LDAH: variants seen among roughly 807,000 people sequenced by gnomAD.
The protein encoded by LDAH is lipid droplet-associated hydrolase.
A neutral mutation model predicts 29.6 loss-of-function variants in LDAH; 26 were observed. That is an observed-to-expected ratio of 0.88 (90% CI 0.64 to 1.22). The LOEUF (loss-of-function observed/expected upper bound fraction) is 1.22. LDAH is among the 50% of genes most tolerant of loss of function. LDAH has a pLI of 0.00. For missense variants in LDAH, 344 were observed against 387.3 expected (o/e 0.89, Z 0.94); for synonymous variants, 117 against 133.0 (o/e 0.88, Z 0.83).
chr2:20,778,678 T>C (rs1669977127), intron 3 of LDAH, among the ~76,000 whole-genome samples: 1 of 152,114 alleles, frequency 6.6e-6, no homozygotes, highest in Admixed American at 6.5e-5. Context: ...AACACAATCA[T>C]TAAATGCCAA....
At chr2:20,784,882 G>A (rs1670439053) in intron 3 of LDAH, among the ~76,000 whole-genome samples, 2 of 151,620 alleles carry the variant, frequency 1.3e-5, no homozygotes. Flanking sequence ...GTGAGACCCT[G>A]TCTCAAAAAA....
chr2:20,820,438 C>T (rs1673182392), intron 1 of LDAH, among the ~76,000 whole-genome samples: 1 of 152,152 alleles, frequency 6.6e-6, no homozygotes. Flanking sequence ...TGGAACAGAA[C>T]AGAGCCCTCA....
At chr2:20,784,977 T>C (rs980116060) in intron 3 of LDAH, among the ~76,000 whole-genome samples, 3 of 152,202 alleles carry the variant, frequency 2.0e-5, no homozygotes, top group African/African-American at 7.2e-5. Context: ...CAACTGAGTA[T>C]TCCCAATTCC....
At chr2:20,683,983 C>G (rs1049779493), downstream of LDAH, 1 of 152,084 alleles carries the variant, frequency 6.6e-6, no homozygotes, top group South Asian at 2.1e-4. Context: ...GAGGAAATAG[C>G]CTTTTTGGAA....
chr2:20,719,223 AG>A (rs1317294122), intron 5 of LDAH, among the ~76,000 whole-genome samples: 3 of 110,668 alleles, frequency 2.7e-5, no homozygotes, highest in African/African-American at 1.0e-4. Context: ...AAAATGAAAA[AG>A]TTTTTTTTTT....
In LDAH at chr2:20,687,131, C is replaced by T. The variant is rs199624805; in HGVS notation, c.787-37G>A. On this transcript the variant is annotated intron_variant, in intron 6 of 6. Coordinates refer to ENST00000237822, the MANE Select transcript of LDAH (RefSeq NM_021925.4). Reference sequence around the variant, plus strand: ...GACAAAAACCTTTTATTAGAAAACACGTTCCCTTCCTGACACAGATATGAC... The same window carrying T: ...GACAAAAACCTTTTATTAGAAAACATGTTCCCTTCCTGACACAGATATGAC... 1.1e-4 allele frequency: 166 copies of T among 1,554,030 alleles called. 1 individual carries two copies. In the African/African-American group the frequency reaches 1.7e-3, roughly 16 times the overall value.
chr2:20,761,720 A>G (rs1263449036), intron 4 of LDAH, among the ~76,000 whole-genome samples: 3 of 152,114 alleles, frequency 2.0e-5, no homozygotes, highest in Non-Finnish European at 4.4e-5. Context: ...GGTACACTGG[A>G]AGCCCAATCC....
At chr2:20,808,366 G>GAAT (rs1410973177) in intron 1 of LDAH, among the ~76,000 whole-genome samples, 1 of 151,990 alleles carries the variant, frequency 6.6e-6, no homozygotes, top group Non-Finnish European at 1.5e-5. Flanking sequence ...AAAAAGTCAA[G>GAAT]AATAACAAGA....
Position 20,686,888 on chromosome 2 carries a change from G to A in LDAH, c.*15C>T. 1 of 1,607,194 alleles carries A rather than the reference G, an allele frequency of 6.2e-7. No homozygotes were observed. The highest frequency in any genetic ancestry group is 8.5e-7 in the Non-Finnish European group (1 of 1,175,754). On this transcript the variant is annotated 3_prime_UTR_variant, in exon 7 of 7. Transcript: ENST00000237822. Reference sequence around the variant, plus strand: ...CTCCATGTACTGGCAGTGGGGGCTTGTTCCTCAGGCCAATTTACATTTTGG... The same window carrying A: ...CTCCATGTACTGGCAGTGGGGGCTTATTCCTCAGGCCAATTTACATTTTGG...
At chr2:20,735,140 C>T (rs1236859752) in intron 5 of LDAH, among the ~76,000 whole-genome samples, 1 of 152,114 alleles carries the variant, frequency 6.6e-6, no homozygotes, top group African/African-American at 2.4e-5. Flanking sequence ...ATTCACTCAG[C>T]TTCTTGAATC....
intron 3 of LDAH, among the ~76,000 whole-genome samples, chr2:20,781,614 G>A (rs1326665044): frequency 6.6e-6 from 1 of 152,216 alleles, no homozygotes; most frequent in Non-Finnish European, 1.5e-5. Context: ...TGAATGGGGG[G>A]CTGGTCCAAG....
intron 6 of LDAH, among the ~76,000 whole-genome samples, chr2:20,693,073 C>T (rs552138855): frequency 1.7e-4 from 26 of 152,152 alleles, no homozygotes; most frequent in Non-Finnish European, 3.5e-4. Context: ...GTGCTGTGAG[C>T]CTGGACCAGT....
chr2:20,774,833 G>C lies in LDAH; in HGVS notation c.445C>G (p.Leu149Val). 6.2e-7 allele frequency: 1 copy of C among 1,613,186 alleles called. No individual in the cohort carries two copies. Among genetic ancestry groups the C allele is most frequent in the South Asian group, 1.1e-5 (1 of 91,034 alleles). The stretch of plus-strand genomic sequence containing the variant: ...ACCGGGAGCTCAGGGACTCGCTTCA[G>C]CATCTGAAGTGTGAAATAGCTGCCT... ...SIGSYFTLQMLKRVPELPVIR... is the reference protein window; with the variant it reads ...SIGSYFTLQMVKRVPELPVIR... The change falls in exon 4 of 7, where the codon CTG (leucine) becomes GTG (valine). Residue 149 changes from leucine (L) to valine (V), a missense_variant. Coordinates refer to ENST00000237822, the MANE Select transcript of LDAH (RefSeq NM_021925.4).
chr2:20,684,975 T>C lies in LDAH; in HGVS notation c.*1928A>G. ...GCTTTTCACTTTAAAAGAGAGACTT[T>C]GAGCCGAGTCTAACTCAGGAGAACT... On this transcript the variant is annotated 3_prime_UTR_variant, in exon 7 of 7. Transcript: ENST00000237822. 1 of 1,547,404 alleles carries C rather than the reference T, an allele frequency of 6.5e-7. No individual in the cohort carries two copies. Among genetic ancestry groups the C allele is most frequent in the Admixed American group, 2.0e-5 (1 of 50,622 alleles).
intron 2 of LDAH, among the ~76,000 whole-genome samples, chr2:20,791,806 T>C (rs1364407051): frequency 6.6e-6 from 1 of 152,162 alleles, no homozygotes; most frequent in African/African-American, 2.4e-5. Context: ...CCAACTTTTT[T>C]CCAAGTGACT....
At chr2:20,818,025 T>C (rs1240727459) in intron 1 of LDAH, among the ~76,000 whole-genome samples, 2 of 152,172 alleles carry the variant, frequency 1.3e-5, no homozygotes, top group African/African-American at 4.8e-5. Flanking sequence ...GATGGAATAA[T>C]TCTTTATCTT....
intron 4 of LDAH, among the ~76,000 whole-genome samples, chr2:20,751,956 A>G (rs1032141023): frequency 6.6e-6 from 1 of 152,170 alleles, no homozygotes; most frequent in Non-Finnish European, 1.5e-5. Flanking sequence ...AGTGGCAATG[A>G]TAACAGCTCA....
intron 6 of LDAH, among the ~76,000 whole-genome samples, chr2:20,694,536 A>G (rs932481484): frequency 6.6e-6 from 1 of 152,152 alleles, no homozygotes; most frequent in African/African-American, 2.4e-5. Flanking sequence ...TTTTCCAGTT[A>G]CCTTGTTTCC....
chr2:20,697,732 C>T (rs1203189458), intron 6 of LDAH, among the ~76,000 whole-genome samples: 2 of 152,118 alleles, frequency 1.3e-5, no homozygotes, highest in Admixed American at 6.5e-5. Flanking sequence ...TCTTTGCTTG[C>T]GGTGTACAGG....
Sources: allele counts gnomAD v4.1 joint callset (sites outside exome capture counted in the v4.1 genomes callset), GRCh38; gene constraint gnomAD v4.1.1; transcripts MANE v1.5; gene names NCBI Gene and HGNC (gene_info 2026-07-23, HGNC 2026-07-21).